NLGN4Y: variants seen among roughly 807,000 people sequenced by gnomAD.
NLGN4Y encodes the protein neuroligin-4, Y-linked.
Under a neutral mutation model 8.4 loss-of-function variants are expected in NLGN4Y, and 4 were observed. The ratio of observed to expected loss-of-function variants is 0.48; its 90% CI spans 0.23 to 1.09. The LOEUF (loss-of-function observed/expected upper bound fraction) is 1.09, where lower values mean the gene tolerates loss of function less well. Ranked by LOEUF, NLGN4Y falls within the 50% of genes least tolerant of loss-of-function variation. NLGN4Y has a pLI of 0.19. For synonymous variants in NLGN4Y, 35 were observed against 75.6 expected, an observed-to-expected ratio of 0.46 and a Z score of 2.78; for missense variants, 90 against 192.3, an observed-to-expected ratio of 0.47 and a Z score of 3.15.
chrY:14,562,609 G>A, intron 1 of NLGN4Y, among the ~76,000 whole-genome samples: 1 of 33,081 alleles, frequency 3.0e-5, no homozygotes, highest in Non-Finnish European at 7.5e-5. Context: ...AGCTTGATGG[G>A]GATAGCATTT....
chrY:14,816,525 T>C, intron 4 of NLGN4Y, among the ~76,000 whole-genome samples: 2 of 34,327 alleles, frequency 5.8e-5, no homozygotes. Context: ...GCTTGTAGGG[T>C]TAGATAAGCA....
intron 2 of NLGN4Y, among the ~76,000 whole-genome samples, chrY:14,696,717 A>T (rs929798834): frequency 6.1e-5 from 2 of 32,659 alleles, no homozygotes; most frequent in Non-Finnish European, 1.5e-4. Context: ...GTTCCCGGTG[A>T]TCATTTAATC....
At chrY:14,790,406 A>G (rs2042981093) in intron 4 of NLGN4Y, among the ~76,000 whole-genome samples, 1 of 33,335 alleles carries the variant, frequency 3.0e-5, no homozygotes. Context: ...GGAGCTACAG[A>G]TATGTGTGTG....
At chrY:14,817,956 G>T (rs778695956) in intron 4 of NLGN4Y, among the ~76,000 whole-genome samples, 8 of 32,331 alleles carry the variant, frequency 2.5e-4, no homozygotes, top group African/African-American at 7.3e-4. Flanking sequence ...CTAACAATTC[G>T]GTTTTTGTAC....
rs754636382 is a variant in NLGN4Y at position 14,543,704 on chromosome Y, G to A, written c.-112+18996G>A. 1.4e-3 allele frequency among the ~76,000 whole-genome samples: 48 copies of A among 33,368 alleles called. No individual in the cohort carries two copies. In the South Asian group the frequency reaches 0.03, roughly 21 times the overall value. The allele number at this position is 33,368 out of a possible 37,273, so 89.5% of individuals were successfully genotyped here. On this transcript the variant is annotated intron_variant, in intron 1 of 6. Transcript: ENST00000684976. ...GAGTGCAGTGATGCAATCATAGCTC[G>A]ATGCAGCCTTGAACTTCTGGGCTCT...
intron 4 of NLGN4Y, among the ~76,000 whole-genome samples, chrY:14,792,851 A>T (rs1603504096): frequency 4.4e-4 from 4 of 9,101 alleles, no homozygotes; most frequent in East Asian, 2.5e-3. Flanking sequence ...AGAGAGAGAG[A>T]GTGTGTGTGT....
chrY:14,714,307 C>A, intron 2 of NLGN4Y, among the ~76,000 whole-genome samples: 1 of 32,894 alleles, frequency 3.0e-5, no homozygotes. Flanking sequence ...ACAAATAAAG[C>A]AGCAGTTTAT....
At chrY:14,605,464 G>A in intron 1 of NLGN4Y, among the ~76,000 whole-genome samples, 1 of 32,492 alleles carries the variant, frequency 3.1e-5, no homozygotes, top group Non-Finnish European at 7.5e-5. Context: ...ATTAGCATAC[G>A]TGTGCATTTG....
chrY:14,721,191 A>T (rs2080933475), intron 3 of NLGN4Y, among the ~76,000 whole-genome samples: 2 of 33,737 alleles, frequency 5.9e-5, no homozygotes, highest in African/African-American at 1.2e-4. Context: ...AAGAAATGTT[A>T]ATTTCCCATA....
At chrY:14,796,890 G>C in intron 4 of NLGN4Y, among the ~76,000 whole-genome samples, 1 of 33,135 alleles carries the variant, frequency 3.0e-5, no homozygotes, top group African/African-American at 1.2e-4. Flanking sequence ...ACTTATGCTT[G>C]CATATCTTTT....
intron 4 of NLGN4Y, among the ~76,000 whole-genome samples, chrY:14,788,555 C>T (rs968549789): frequency 1.5e-4 from 5 of 33,313 alleles, no homozygotes; most frequent in African/African-American, 5.9e-4. Flanking sequence ...ATCTCTCCAA[C>T]TACCTTTTCT....
intron 1 of NLGN4Y, among the ~76,000 whole-genome samples, chrY:14,551,166 C>T: frequency 3.0e-5 from 1 of 33,349 alleles, no homozygotes; most frequent in African/African-American, 1.2e-4. Context: ...CAGACTTTAA[C>T]CAACAAAGAT....
chrY:14,844,031 T>A lies in NLGN4Y; in HGVS notation c.*2769T>A. On this transcript the variant is annotated 3_prime_UTR_variant, in exon 7 of 7. Coordinates refer to ENST00000684976, the MANE Select transcript of NLGN4Y (RefSeq NM_001365588.1). The stretch of plus-strand genomic sequence containing the variant: ...TTATTTACTTTTGCCATTCTTTGAA[T>A]GCCTTTTTCTTTGTAAATGCTACAT... 8.5e-6 allele frequency: 1 copy of A among 117,676 alleles called. No individual in the cohort carries two copies. The highest frequency in any genetic ancestry group is 4.2e-5 in the South Asian group (1 of 24,064). 29.4% of individuals were successfully genotyped at this position (117,676 alleles called of 400,897 possible). A position where few individuals can be genotyped will look rare whatever the true frequency, so the allele number is the denominator to read the frequency against.
intron 2 of NLGN4Y, among the ~76,000 whole-genome samples, chrY:14,698,082 A>C: frequency 3.0e-5 from 1 of 33,609 alleles, no homozygotes; most frequent in African/African-American, 1.2e-4. Context: ...TGCCTAAAGA[A>C]TTCATCCTAT....
intron 5 of NLGN4Y, 145 bp from the exon 6 acceptor site, chrY:14,829,585 G>C: frequency 5.3e-6 from 1 of 189,880 alleles, no homozygotes; most frequent in Non-Finnish European, 9.2e-6. Context: ...AATGAAAATG[G>C]GTAAAAGAGC....
chrY:14,667,694 G>A, intron 2 of NLGN4Y, among the ~76,000 whole-genome samples: 1 of 33,738 alleles, frequency 3.0e-5, no homozygotes, highest in Non-Finnish European at 7.4e-5. Flanking sequence ...ATGTATAATC[G>A]CAGACTGTGA....
chrY:14,634,989 TG>T (rs2080560254), intron 2 of NLGN4Y, among the ~76,000 whole-genome samples: 5 of 33,822 alleles, frequency 1.5e-4, no homozygotes, highest in African/African-American at 5.8e-4. Flanking sequence ...GGAGCTCTTC[TG>T]GTGGGTTTCA....
intron 5 of NLGN4Y, among the ~76,000 whole-genome samples, chrY:14,828,086 G>C: frequency 3.0e-5 from 1 of 33,210 alleles, no homozygotes. Flanking sequence ...GGAAGAGAAA[G>C]ATGTAAGAAA....
intron 2 of NLGN4Y, among the ~76,000 whole-genome samples, chrY:14,672,736 A>G (rs2080720174): frequency 3.2e-5 from 1 of 31,679 alleles, no homozygotes; most frequent in Non-Finnish European, 7.6e-5. Flanking sequence ...ATCCTAAGAC[A>G]AAAGAACAAA....
Sources: gnomAD v4.1 joint callset for allele counts (sites outside exome capture counted in the v4.1 genomes callset) on GRCh38, gnomAD v4.1.1 for gene constraint, MANE v1.5 for transcripts, NCBI Gene and HGNC (gene_info 2026-07-23, HGNC 2026-07-21) for gene names.